Variants in ZMYM2 observed in about 807,000 individuals in gnomAD.
ZMYM2 encodes the protein zinc finger MYM-type protein 2.
ZMYM2 carries 56 observed loss-of-function variants against 162.8 expected under a neutral mutation model. The observed-to-expected ratio is 0.34, with a 90% CI of 0.28 to 0.43. The LOEUF (loss-of-function observed/expected upper bound fraction) is 0.43. Among genes scored for constraint, ZMYM2 ranks in the 20% least tolerant of loss-of-function variants. The probability of loss-of-function intolerance (pLI) is 1.00; values close to 1 mark genes in which losing one functional copy is unlikely to be tolerated. For missense variants in ZMYM2, 1,275 were observed against 1,621.8 expected, an observed-to-expected ratio of 0.79 and a Z score of 3.67; for synonymous variants, 510 against 541.6, an observed-to-expected ratio of 0.94 and a Z score of 0.81.
intron 12 of ZMYM2, among the ~76,000 whole-genome samples, chr13:20,041,011 T>C (rs1954194871): frequency 6.6e-6 from 1 of 152,210 alleles, no homozygotes; most frequent in African/African-American, 2.4e-5. Context: ...TGAGGAATGT[T>C]TTATATGTGA....
chr13:20,055,789 T>G (rs908578827), intron 14 of ZMYM2, among the ~76,000 whole-genome samples: 3 of 149,962 alleles, frequency 2.0e-5, no homozygotes, highest in Non-Finnish European at 2.9e-5. Context: ...TTCATGAGAT[T>G]ATGACCAATT....
the ZMYM2 span, among the ~76,000 whole-genome samples, chr13:19,881,207 C>A: frequency 6.6e-6 from 1 of 152,052 alleles, no homozygotes; most frequent in African/African-American, 2.4e-5. Context: ...AAGTTTTGTA[C>A]ATATAAATTT....
At chr13:19,928,889 C>T in the ZMYM2 span, among the ~76,000 whole-genome samples, 6 of 152,144 alleles carry the variant, frequency 3.9e-5, no homozygotes, top group South Asian at 2.1e-4. Context: ...AGGCGTTCCA[C>T]CCACCTCGGC....
chr13:19,906,896 A>G, the ZMYM2 span, among the ~76,000 whole-genome samples: 20 of 151,752 alleles, frequency 1.3e-4, no homozygotes, highest in African/African-American at 4.4e-4. Flanking sequence ...GCAATTTTGT[A>G]TGTATGTTTT....
At chr13:19,874,239 A>G in the ZMYM2 span, among the ~76,000 whole-genome samples, 1 of 152,002 alleles carries the variant, frequency 6.6e-6, no homozygotes, top group African/African-American at 2.4e-5. Context: ...TTTCTTTTTG[A>G]GACAGAGTCT....
the ZMYM2 span, among the ~76,000 whole-genome samples, chr13:19,897,640 G>A: frequency 6.6e-6 from 1 of 151,652 alleles, no homozygotes; most frequent in South Asian, 2.1e-4. Context: ...AAGAGAGCAA[G>A]GGTGACTATA....
At chr13:19,950,528 A>G in the ZMYM2 span, among the ~76,000 whole-genome samples, 1 of 152,198 alleles carries the variant, frequency 6.6e-6, no homozygotes, top group Admixed American at 6.5e-5. Flanking sequence ...ATGTTCAAAT[A>G]AGGCAAACGC....
chr13:19,981,816 T>C (rs1957354273), intron 2 of ZMYM2, among the ~76,000 whole-genome samples: 1 of 146,766 alleles, frequency 6.8e-6, no homozygotes, highest in African/African-American at 2.5e-5. Flanking sequence ...TTCATATCTT[T>C]ACTCAGCTGT....
chr13:20,036,230 A>C (rs928479074), intron 11 of ZMYM2, among the ~76,000 whole-genome samples: 2 of 151,414 alleles, frequency 1.3e-5, no homozygotes, highest in African/African-American at 4.8e-5. Flanking sequence ...AAAGGACTAG[A>C]TAACAAAAGT....
the ZMYM2 span, among the ~76,000 whole-genome samples, chr13:19,883,632 CTTTT>C: frequency 1.3e-5 from 2 of 152,060 alleles, no homozygotes; most frequent in African/African-American, 4.8e-5. Flanking sequence ...AAAATCTTTC[CTTTT>C]TGTCTTTTCA....
chr13:19,888,850 C>T, the ZMYM2 span, among the ~76,000 whole-genome samples: 514 of 151,844 alleles, frequency 3.4e-3, 2 homozygotes, highest in South Asian at 0.026. Flanking sequence ...CCACCCGCCA[C>T]GGCCTCCCAA....
chr13:19,886,364 A>G, the ZMYM2 span, among the ~76,000 whole-genome samples: 1,851 of 150,958 alleles, frequency 0.012, 62 homozygotes, highest in African/African-American at 0.041. Context: ...GGGTTTCTCC[A>G]TGTTGGTCAG....
At chr13:19,917,351 G>A in the ZMYM2 span, among the ~76,000 whole-genome samples, 11 of 152,052 alleles carry the variant, frequency 7.2e-5, no homozygotes, top group Admixed American at 1.3e-4. Context: ...CACTTTGAGG[G>A]GCAGAGGTGG....
chr13:20,072,815 CA>C (rs1398425029), intron 21 of ZMYM2, among the ~76,000 whole-genome samples: 1 of 152,030 alleles, frequency 6.6e-6, no homozygotes, highest in Non-Finnish European at 1.5e-5. Context: ...TGCATTTCAT[CA>C]AAGTCGTCAA....
the ZMYM2 span, among the ~76,000 whole-genome samples, chr13:19,897,658 C>G: frequency 3.3e-5 from 5 of 151,268 alleles, no homozygotes; most frequent in South Asian, 1.0e-3. Context: ...ATACTAATAC[C>G]GGACAAAATA....
intron 7 of ZMYM2, among the ~76,000 whole-genome samples, chr13:20,022,007 C>T (rs1026389730): frequency 6.6e-6 from 1 of 152,158 alleles, no homozygotes; most frequent in Non-Finnish European, 1.5e-5. Flanking sequence ...CCTCCCCTTC[C>T]CCCAGCTACT....
rs1184397114 is a variant in ZMYM2, at chr13:20,061,285, G to A, written c.2911+61G>A. The A allele has an allele frequency of 1.0e-5, 16 of 1,549,028 alleles. No homozygotes were observed. In the Admixed American group the frequency reaches 1.1e-4, roughly 11 times the overall value. ...TTAACATTGGTTATTTATAAGTATT[G>A]TTACAGTACTTTCCAGGGCATATCA... On this transcript the variant is annotated intron_variant, in intron 17 of 24. Transcript: ENST00000610343.
chr13:19,865,395 G>T, the ZMYM2 span, among the ~76,000 whole-genome samples: 1 of 152,212 alleles, frequency 6.6e-6, no homozygotes, highest in Non-Finnish European at 1.5e-5. Context: ...GGATTGATGA[G>T]AGTTCTGTGT....
the ZMYM2 span, among the ~76,000 whole-genome samples, chr13:19,899,344 AAG>A: frequency 3.3e-5 from 5 of 152,262 alleles, no homozygotes; most frequent in East Asian, 7.7e-4. Context: ...GCAGTGCTAA[AAG>A]AGAAATTTAC....
Sources: gnomAD v4.1 joint callset for allele counts (sites outside exome capture counted in the v4.1 genomes callset) on GRCh38, gnomAD v4.1.1 for gene constraint, MANE v1.5 for transcripts, NCBI Gene and HGNC (gene_info 2026-07-23, HGNC 2026-07-21) for gene names.